The following DIAPH2 variants were observed in gnomAD, a reference collection of about 807,000 sequenced individuals.
The protein encoded by DIAPH2 is protein diaphanous homolog 2.
DIAPH2 carries 35 observed loss-of-function variants against 92.7 expected under a neutral mutation model. The ratio of observed to expected loss-of-function variants is 0.38; its 90% CI spans 0.29 to 0.50. The LOEUF is 0.50. DIAPH2 is among the 20% of genes least tolerant of loss of function. The probability of loss-of-function intolerance (pLI) is 0.94; values close to 1 mark genes in which losing one functional copy is unlikely to be tolerated. For synonymous variants in DIAPH2, 301 were observed against 280.4 expected (o/e 1.07, Z -0.73); for missense variants, 701 against 819.5 (o/e 0.86, Z 1.77).
chrX:96,817,010 G>A lies in DIAPH2; in HGVS notation c.447+58752G>A, dbSNP rs142124802. The stretch of plus-strand genomic sequence containing the variant: ...CTTCCCATGTTCTCACTTATTTGTG[G>A]GAGCTAAAAAATCAAAGCATTTGGA... On this transcript the variant is annotated intron_variant, in intron 4 of 26. Coordinates refer to ENST00000324765, the MANE Select transcript of DIAPH2 (RefSeq NM_006729.5). Among the ~76,000 whole-genome samples the A allele has an allele frequency of 3.8e-3, 418 of 111,224 alleles. 2 individuals carry two copies. Among genetic ancestry groups the A allele is most frequent in the African/African-American group, 0.013 (402 of 30,625 alleles).
intron 19 of DIAPH2, among the ~76,000 whole-genome samples, chrX:97,089,761 T>C (rs1286137012): frequency 9.1e-6 from 1 of 110,482 alleles, no homozygotes; most frequent in Non-Finnish European, 1.9e-5. Context: ...AGAGTCTTGC[T>C]CTGTTGCCCA....
intron 9 of DIAPH2, among the ~76,000 whole-genome samples, chrX:96,922,134 G>C (rs912107283): frequency 9.0e-6 from 1 of 111,364 alleles, no homozygotes; most frequent in African/African-American, 3.3e-5. Context: ...GCTCATAAAG[G>C]TTAAATAACT....
chrX:97,162,227 G>A (rs531546644), intron 22 of DIAPH2, among the ~76,000 whole-genome samples: 86 of 110,744 alleles, frequency 7.8e-4, no homozygotes, highest in South Asian at 2.0e-3. Flanking sequence ...ATAGTGTGGT[G>A]GTTAAAAGCA....
chrX:96,979,335 A>T (rs2065980137), intron 17 of DIAPH2, among the ~76,000 whole-genome samples: 1 of 112,441 alleles, frequency 8.9e-6, no homozygotes, highest in African/African-American at 3.2e-5. Context: ...TAATCATGGC[A>T]TTCCCATGTT....
At chrX:96,762,198 T>G (rs1178102335) in intron 4 of DIAPH2, among the ~76,000 whole-genome samples, 1 of 111,607 alleles carries the variant, frequency 9.0e-6, no homozygotes, top group African/African-American at 3.2e-5. Context: ...AACAGTGATT[T>G]GATTTATATT....
intron 23 of DIAPH2, among the ~76,000 whole-genome samples, chrX:97,318,996 T>G (rs1369603693): frequency 8.9e-6 from 1 of 111,889 alleles, no homozygotes; most frequent in Non-Finnish European, 1.9e-5. Flanking sequence ...TTTTTTTCCC[T>G]TCTGAGCCAA....
At chrX:97,562,167 C>T (rs1238701171) in intron 26 of DIAPH2, among the ~76,000 whole-genome samples, 2 of 110,762 alleles carry the variant, frequency 1.8e-5, no homozygotes, top group Non-Finnish European at 3.8e-5. Context: ...GGGTTACTCT[C>T]CTCATTTTGC....
In DIAPH2 at chrX:97,135,160, A is replaced by C. The variant is rs190366554; in HGVS notation, c.2590-6505A>C. Among the ~76,000 whole-genome samples, 496 of 109,389 alleles carry C rather than the reference A, an allele frequency of 4.5e-3. 1 individual carries two copies. The highest frequency in any genetic ancestry group is 0.016 in the African/African-American group (479 of 30,534). The allele number at this position is 109,389 out of a possible 115,157, so 95.0% of individuals were successfully genotyped here. ...ATAACTAGAGTATATAGAAACCGCT[A>C]TAGGAGAACAAAGACAGAATTTAGT... On this transcript the variant is annotated intron_variant, in intron 21 of 26. Coordinates refer to ENST00000324765, the MANE Select transcript of DIAPH2 (RefSeq NM_006729.5).
intron 22 of DIAPH2, among the ~76,000 whole-genome samples, chrX:97,173,269 G>A (rs1019141860): frequency 1.8e-5 from 2 of 111,350 alleles, no homozygotes; most frequent in Non-Finnish European, 3.8e-5. Context: ...GGCGTGGGCC[G>A]GTAGTCCCAG....
At chrX:96,750,738 T>G (rs1295285491) in intron 3 of DIAPH2, among the ~76,000 whole-genome samples, 1 of 112,872 alleles carries the variant, frequency 8.9e-6, no homozygotes, top group African/African-American at 3.2e-5. Context: ...GGTTATATTT[T>G]TATCCAACTG....
chrX:96,962,288 T>TATATATATACAC lies in DIAPH2; in HGVS notation c.1936-2796_1936-2795insCACATATATATA, dbSNP rs1569436384. 3.2e-3 allele frequency among the ~76,000 whole-genome samples: 200 copies of TATATATATACAC among 63,467 alleles called. 10 individuals are homozygous for TATATATATACAC. Among genetic ancestry groups the TATATATATACAC allele is most frequent in the African/African-American group, 0.012 (186 of 16,148 alleles). The allele number at this position is 63,467 out of a possible 115,157, so 55.1% of individuals were successfully genotyped here. A position where few individuals can be genotyped will look rare whatever the true frequency, so the allele number is the denominator to read the frequency against. On this transcript the variant is annotated intron_variant, in intron 16 of 26. Coordinates refer to ENST00000324765, the MANE Select transcript of DIAPH2 (RefSeq NM_006729.5). ...ATATATATATACATATATATATACA[T>TATATATATACAC]ATATATATATACATATATATATACA...
chrX:96,949,687 C>CAA (rs1167294262), intron 15 of DIAPH2, among the ~76,000 whole-genome samples: 17 of 40,298 alleles, frequency 4.2e-4, no homozygotes, highest in East Asian at 7.9e-4. Context: ...ACTAAAAATA[C>CAA]AAAAAAAAAA....
At chrX:97,409,580 G>A (rs765939146) in intron 25 of DIAPH2, among the ~76,000 whole-genome samples, 24 of 111,683 alleles carry the variant, frequency 2.1e-4, no homozygotes, top group African/African-American at 7.2e-4. Flanking sequence ...CACCTCACCC[G>A]GGAAGCACAA....
At chrX:96,787,028 G>T (rs913012611) in intron 4 of DIAPH2, among the ~76,000 whole-genome samples, 1 of 111,256 alleles carries the variant, frequency 9.0e-6, no homozygotes, top group Non-Finnish European at 1.9e-5. Context: ...TAGTTTTTGT[G>T]CTCTAGACAG....
chrX:97,405,154 A>G (rs2069796654), intron 25 of DIAPH2, among the ~76,000 whole-genome samples: 1 of 111,826 alleles, frequency 8.9e-6, no homozygotes, highest in South Asian at 3.7e-4. Context: ...ATGCTTGCTG[A>G]GGGAAAAAAT....
chrX:97,382,313 G>A (rs1026271404), intron 24 of DIAPH2, among the ~76,000 whole-genome samples: 4 of 111,797 alleles, frequency 3.6e-5, no homozygotes, highest in African/African-American at 6.5e-5. Context: ...TGGTTTGGCC[G>A]GGTGCGGTGG....
At chrX:97,027,136 G>C (rs2066340866) in intron 17 of DIAPH2, among the ~76,000 whole-genome samples, 1 of 111,991 alleles carries the variant, frequency 8.9e-6, no homozygotes, top group African/African-American at 3.2e-5. Context: ...TAAAGAAATT[G>C]CTGGATACCA....
chrX:97,262,092 TAA>T (rs35665297), intron 23 of DIAPH2, among the ~76,000 whole-genome samples: 23 of 60,521 alleles, frequency 3.8e-4, no homozygotes, highest in East Asian at 1.6e-3. Context: ...GATGAGAAAC[TAA>T]AAAAAAAAAA....
At chrX:96,851,481 A>T (rs2147712951) in intron 4 of DIAPH2, among the ~76,000 whole-genome samples, 1 of 111,759 alleles carries the variant, frequency 8.9e-6, no homozygotes, top group South Asian at 3.8e-4. Flanking sequence ...CCCTTGCCAA[A>T]TCCCTTATAT....
Sources: allele counts gnomAD v4.1 joint callset (sites outside exome capture counted in the v4.1 genomes callset), GRCh38; gene constraint gnomAD v4.1.1; transcripts MANE v1.5; gene names NCBI Gene and HGNC (gene_info 2026-07-23, HGNC 2026-07-21).